Variants in GALNS observed in about 807,000 individuals in gnomAD.
The protein encoded by GALNS is N-acetylgalactosamine-6-sulfatase.
Under a neutral mutation model 65.9 loss-of-function variants are expected in GALNS, and 65 were observed. That is an observed-to-expected ratio of 0.99 (90% CI 0.81 to 1.21). The LOEUF is 1.21. Ranked by LOEUF, GALNS falls within the 50% of genes most tolerant of loss-of-function variation. GALNS has a pLI of 0.00. For synonymous variants in GALNS, 346 were observed against 288.9 expected (o/e 1.20, Z -2.00); for missense variants, 776 against 700.7 (o/e 1.11, Z -1.21).
At chr16:88,855,053 T>G (rs1476708456) in intron 1 of GALNS, 2 of 386,910 alleles carry the variant, frequency 5.2e-6, no homozygotes, top group Non-Finnish European at 1.0e-5. Flanking sequence ...TGCTGTCCTA[T>G]GGAAACGTAG....
In GALNS at chr16:88,835,141, C is replaced by G. The variant is rs573086048; in HGVS notation, c.898+72G>C. 20 of 1,542,764 alleles carry G rather than the reference C, an allele frequency of 1.3e-5. No homozygotes were observed. The African/African-American group carries it at 1.6e-4, about 13-fold the overall frequency. ...CTGCCCACCACAGACCCCGTGGGCA[C>G]AGCCGGTCCAGGCACTCTTCGCTGA... On this transcript the variant is annotated intron_variant, in intron 8 of 13. Transcript: ENST00000268695.
chr16:88,826,268 G>A (rs1348997547), intron 10 of GALNS, among the ~76,000 whole-genome samples: 1 of 149,086 alleles, frequency 6.7e-6, no homozygotes, highest in Non-Finnish European at 1.5e-5. Context: ...ATGTGCCCGG[G>A]CTGCAGGCAG....
intron 8 of GALNS, among the ~76,000 whole-genome samples, chr16:88,834,423 G>A (rs1331590521): frequency 9.6e-6 from 1 of 104,618 alleles, no homozygotes; most frequent in Non-Finnish European, 2.0e-5. Flanking sequence ...GAGGCTGCAG[G>A]GCCCCCCTCA....
intron 1 of GALNS, among the ~76,000 whole-genome samples, chr16:88,846,868 C>T (rs968120152): frequency 3.3e-5 from 5 of 152,164 alleles, no homozygotes; most frequent in Non-Finnish European, 5.9e-5. Flanking sequence ...AAGCTCCCGA[C>T]CCCCGTGTGT....
chr16:88,816,686 C>A lies in GALNS; in HGVS notation c.1482+1321G>T, dbSNP rs183937791. On this transcript the variant is annotated intron_variant, in intron 13 of 13. Transcript: ENST00000268695. The stretch of plus-strand genomic sequence containing the variant: ...CTCTCCTGTTACATCCGCCGGCCCA[C>A]GCTGTGGCTCCCTGGCTGTTCAGAG... The A allele has an allele frequency of 2.5e-5, 25 of 985,448 alleles. No homozygotes were observed. The South Asian group carries it at 1.1e-3, about 43-fold the overall frequency. The allele number at this position is 985,448 out of a possible 1,614,324, so 61.0% of individuals were successfully genotyped here.
At chr16:88,834,374 T>G (rs1285036236) in intron 8 of GALNS, among the ~76,000 whole-genome samples, 1 of 126,406 alleles carries the variant, frequency 7.9e-6, no homozygotes, top group Non-Finnish European at 1.6e-5. Context: ...CCGCGTGGTC[T>G]GGGAAGAGGC....
At position 88,826,848 on chromosome 16, in the gene GALNS, A is replaced by G. The variant is rs753249472; in HGVS notation, c.1003-10T>C. ...CCAGCTGGTGGCTCACCTGAAACACATGGCAGCAACACGGTCAGGGCACTC... is the reference window on the plus strand; with the variant it reads ...CCAGCTGGTGGCTCACCTGAAACACGTGGCAGCAACACGGTCAGGGCACTC... On this transcript the variant is annotated splice_polypyrimidine_tract_variant and intron_variant, in intron 9 of 13. Transcript: ENST00000268695. 15 of 1,569,578 alleles carry G rather than the reference A, an allele frequency of 9.6e-6. No individual in the cohort carries two copies. Among genetic ancestry groups the G allele is most frequent in the Non-Finnish European group, 1.3e-5 (15 of 1,158,066 alleles).
intron 2 of GALNS, chr16:88,842,247 G>A (rs529221497): frequency 3.4e-6 from 2 of 579,824 alleles, no homozygotes; most frequent in East Asian, 3.0e-5. Flanking sequence ...GACACCCACT[G>A]GGCGTGCAGG....
rs1288214087 is a variant in GALNS at position 88,840,592 on chromosome 16, C to A, written c.422+400G>T. ...TTGTGGTTTAGACCAGAGCTTTCAC[C>A]ATCCAACAGGCCCCTAGGGTGGACA... On this transcript the variant is annotated intron_variant, in intron 4 of 13. Coordinates refer to ENST00000268695, the MANE Select transcript of GALNS (RefSeq NM_000512.5). 1.4e-5 allele frequency: 5 copies of A among 347,500 alleles called. No homozygotes were observed. The East Asian group carries it at 3.0e-4, about 21-fold the overall frequency. The allele number at this position is 347,500 out of a possible 1,614,324, so 21.5% of individuals were successfully genotyped here. A position where few individuals can be genotyped will look rare whatever the true frequency, so the allele number is the denominator to read the frequency against.
chr16:88,816,266 C>A, intron 13 of GALNS: 2 of 985,454 alleles, frequency 2.0e-6, no homozygotes. Flanking sequence ...GTGGCCTGCG[C>A]CCGTGGAGCC....
chr16:88,827,182 C>T, intron 9 of GALNS: 1 of 388,452 alleles, frequency 2.6e-6, no homozygotes, highest in Non-Finnish European at 4.8e-6. Flanking sequence ...ACACTGAATG[C>T]CCTAAGGCCA....
rs1204944305 is a variant in GALNS, at chr16:88,856,758, G to A, written c.120C>T (p.Asp40=). 6.9e-7 allele frequency: 1 copy of A among 1,452,944 alleles called. No homozygotes were observed. The highest frequency in any genetic ancestry group is 9.1e-7 in the Non-Finnish European group (1 of 1,093,270). 90.0% of individuals were successfully genotyped at this position (1,452,944 alleles called of 1,614,324 possible). A position where few individuals can be genotyped will look rare whatever the true frequency, so the allele number is the denominator to read the frequency against. ...PPNILLLLMD[D]MGWGDLGVYG... is the part of the protein sequence containing the mutation. ...GCCCCGTCCCACCGCCCGCACTCAC[G>A]TCGTCCATGAGCAGGAGCAGGATGT... The change falls in exon 1 of 14, where the codon GAC becomes GAT. Residue 40 remains aspartate (D), a splice_region_variant and synonymous_variant. Coordinates refer to ENST00000268695, the MANE Select transcript of GALNS (RefSeq NM_000512.5).
rs146902196 is a variant in GALNS at position 88,837,629 on chromosome 16, C to G, written c.559G>C (p.Val187Leu). 2 of 1,613,268 alleles carry G rather than the reference C, an allele frequency of 1.2e-6. No homozygotes were observed. The highest frequency in any genetic ancestry group is 1.7e-6 in the Non-Finnish European group (2 of 1,179,980). The change falls in exon 5 of 14, where the codon GTT becomes CTT. Residue 187 changes from valine to leucine, a missense_variant. By Grantham distance (32) the Val-to-Leu change is conservative (BLOSUM62 1). Coordinates refer to ENST00000268695, the MANE Select transcript of GALNS (RefSeq NM_000512.5). ...GGGGTGGGGCTCCATTACCTGCCAACCATCTCCCAGTCCCTGTACACAGGG... is the reference window on the plus strand; with the variant it reads ...GGGGTGGGGCTCCATTACCTGCCAAGCATCTCCCAGTCCCTGTACACAGGG... ...NIPVYRDWEM[V>L]GRYYEEFPIN...
chr16:88,838,388 C>T lies in GALNS; in HGVS notation c.423-623G>A, dbSNP rs1018842308. 5.9e-5 allele frequency among the ~76,000 whole-genome samples: 9 copies of T among 152,224 alleles called. No individual in the cohort carries two copies. In the South Asian group the frequency reaches 6.2e-4, roughly 11 times the overall value. The stretch of plus-strand genomic sequence containing the variant: ...AGGGATTAGAGTGACGACAAGAGAA[C>T]GTGACAGTGTGGCCACACTGGTGAC... On this transcript the variant is annotated intron_variant, in intron 4 of 13. Coordinates refer to ENST00000268695, the MANE Select transcript of GALNS (RefSeq NM_000512.5).
chr16:88,839,950 C>T (rs1966891419), intron 4 of GALNS, among the ~76,000 whole-genome samples: 1 of 152,262 alleles, frequency 6.6e-6, no homozygotes, highest in African/African-American at 2.4e-5. Flanking sequence ...ACCGGCTCTT[C>T]CTCCTGTTGG....
At chr16:88,820,045 C>T (rs922669022) in intron 12 of GALNS, among the ~76,000 whole-genome samples, 3 of 151,940 alleles carry the variant, frequency 2.0e-5, no homozygotes, top group Admixed American at 6.6e-5. Context: ...CCAGGCTGGT[C>T]TCAAACTCCT....
chr16:88,850,657 A>T (rs898547253), intron 1 of GALNS, among the ~76,000 whole-genome samples: 1 of 152,070 alleles, frequency 6.6e-6, no homozygotes, highest in African/African-American at 2.4e-5. Context: ...CCAGGGGAGA[A>T]GGTGCGGGCG....
intron 1 of GALNS, among the ~76,000 whole-genome samples, chr16:88,848,504 G>T (rs1354957748): frequency 6.6e-6 from 1 of 151,690 alleles, no homozygotes; most frequent in Non-Finnish European, 1.5e-5. Context: ...GTGGTTGCAG[G>T]CGCCTGTGGT....
At chr16:88,823,726 G>A (rs1165241634) in intron 11 of GALNS, among the ~76,000 whole-genome samples, 3 of 138,508 alleles carry the variant, frequency 2.2e-5, no homozygotes, top group Admixed American at 7.1e-5. Context: ...GACGGCCCTC[G>A]CAGGCGGCAA....
Sources: gnomAD v4.1 joint callset for allele counts (sites outside exome capture counted in the v4.1 genomes callset) on GRCh38, gnomAD v4.1.1 for gene constraint, MANE v1.5 for transcripts, NCBI Gene and HGNC (gene_info 2026-07-23, HGNC 2026-07-21) for gene names.